REEP2: variants seen among roughly 807,000 people sequenced by gnomAD.
The protein encoded by REEP2 is receptor expression-enhancing protein 2.
A neutral mutation model predicts 32.1 loss-of-function variants in REEP2; 9 were observed. The ratio of observed to expected loss-of-function variants is 0.28; its 90% CI spans 0.17 to 0.49. The LOEUF is 0.49. Ranked by LOEUF, REEP2 falls within the 20% of genes least tolerant of loss-of-function variation. The pLI, the probability that REEP2 is intolerant of heterozygous loss-of-function variation, is 0.99. For synonymous variants in REEP2, 128 were observed against 139.1 expected, an observed-to-expected ratio of 0.92 and a Z score of 0.56; for missense variants, 236 against 338.0, an observed-to-expected ratio of 0.70 and a Z score of 2.37.
At chr5:138,440,056 T>C (rs1291032605) in intron 1 of REEP2, among the ~76,000 whole-genome samples, 1 of 152,210 alleles carries the variant, frequency 6.6e-6, no homozygotes, top group Non-Finnish European at 1.5e-5. Flanking sequence ...GTATCCCTCC[T>C]GTCCATGTGG....
chr5:138,444,858 T>A lies in REEP2; in HGVS notation c.408T>A (p.Ala136=). ...LNLAANAAVT[A]AAKGQGVLSE... ...TTGCCGCCAATGCTGCAGTCACAGCTGCCGCCAAGGTGAGATGGGGGCAGG... is the reference window on the plus strand; with the variant it reads ...TTGCCGCCAATGCTGCAGTCACAGCAGCCGCCAAGGTGAGATGGGGGCAGG... The change falls in exon 5 of 8, where the codon GCT becomes GCA. Residue 136 remains alanine, a synonymous_variant. Coordinates refer to ENST00000378339, the MANE Select transcript of REEP2 (RefSeq NM_001271803.2). 1 of 1,611,948 alleles carries A rather than the reference T, an allele frequency of 6.2e-7. No homozygotes were observed. The highest frequency in any genetic ancestry group is 8.5e-7 in the Non-Finnish European group (1 of 1,178,970).
At position 138,444,481 on chromosome 5, in the gene REEP2, C is replaced by A. The variant is rs761374551; in HGVS notation, c.249C>A (p.Gly83=). 6.2e-7 allele frequency: 1 copy of A among 1,614,128 alleles called. No homozygotes were observed. The highest frequency in any genetic ancestry group is 1.1e-5 in the South Asian group (1 of 91,086). The stretch of plus-strand genomic sequence containing the variant: ...GGCTGCTGTCCCCTTACACCAAGGG[C>A]TCCAGCGTGCTCTACCGCAAGTTCG... ...VIWLLSPYTK[G]SSVLYRKFVH... is the part of the protein sequence containing the mutation. Residue 83 remains glycine, a synonymous_variant, in exon 4 of 8, where the codon GGC becomes GGA. Coordinates refer to ENST00000378339, the MANE Select transcript of REEP2 (RefSeq NM_001271803.2).
Position 138,444,540 on chromosome 5 carries a change from G to GC in REEP2, c.303+10dup, listed in dbSNP as rs1763887492. ...ACGCTGTCCAACAAGGAGAAGGTTTGCCCCCACTCTCAGCTCACCTCCCAG... is the reference window on the plus strand; with the variant it reads ...ACGCTGTCCAACAAGGAGAAGGTTTGCCCCCCACTCTCAGCTCACCTCCCAG... On this transcript the variant is annotated splice_donor_region_variant and intron_variant, in intron 4 of 7. Coordinates refer to ENST00000378339, the MANE Select transcript of REEP2 (RefSeq NM_001271803.2). 1 of 1,613,824 alleles carries GC rather than the reference G, an allele frequency of 6.2e-7. No homozygotes were observed. The highest frequency in any genetic ancestry group is 1.3e-5 in the African/African-American group (1 of 75,018).
Position 138,445,955 on chromosome 5 carries a change from G to A in REEP2, c.*204G>A. ...AGGAGGCCCAGCTGTGGGGGTTGAG[G>A]GTAGAGGGTGGACCAGAGGCTGAGG... On this transcript the variant is annotated 3_prime_UTR_variant, in exon 8 of 8. Transcript: ENST00000378339. The A allele has an allele frequency of 1.7e-6, 1 of 606,018 alleles. No homozygotes were observed. The highest frequency in any genetic ancestry group is 2.9e-6 in the Non-Finnish European group (1 of 344,576). The allele number at this position is 606,018 out of a possible 1,614,324, so 37.5% of individuals were successfully genotyped here.
chr5:138,443,509 G>A (rs1043446984), intron 3 of REEP2: 3 of 150,322 alleles, frequency 2.0e-5, no homozygotes, highest in Non-Finnish European at 4.4e-5. Flanking sequence ...GTGGTGAGGT[G>A]AAAAACAAAA....
intron 1 of REEP2, 138 bp downstream of exon 1, chr5:138,439,378 A>C: frequency 3.5e-6 from 3 of 865,508 alleles, no homozygotes; most frequent in East Asian, 2.8e-5. Flanking sequence ...CCCCAGAGAC[A>C]TGGAGATGTG....
rs377323644 is a variant in REEP2, at chr5:138,444,545, C to G, written c.303+10C>G. The stretch of plus-strand genomic sequence containing the variant: ...GTCCAACAAGGAGAAGGTTTGCCCC[C>G]ACTCTCAGCTCACCTCCCAGCCTGC... On this transcript the variant is annotated intron_variant, in intron 4 of 7. Transcript: ENST00000378339. The G allele has an allele frequency of 6.2e-7, 1 of 1,613,596 alleles. No individual in the cohort carries two copies. The highest frequency in any genetic ancestry group is 8.5e-7 in the Non-Finnish European group (1 of 1,179,656).
At position 138,439,191 on chromosome 5, in the gene REEP2, G is replaced by C. The variant is rs774923160; in HGVS notation, c.-18G>C. The C allele has an allele frequency of 7.4e-7, 1 of 1,358,554 alleles. No individual in the cohort carries two copies. Among genetic ancestry groups the C allele is most frequent in the East Asian group, 2.8e-5 (1 of 36,088 alleles). The allele number at this position is 1,358,554 out of a possible 1,614,324, so 84.2% of individuals were successfully genotyped here. A position where few individuals can be genotyped will look rare whatever the true frequency, so the allele number is the denominator to read the frequency against. The stretch of plus-strand genomic sequence containing the variant: ...CGGCCGGGCCGGGTCCCCGCCCCGC[G>C]CCGCGCCCGGCCCCGCCATGGTGTC... On this transcript the variant is annotated 5_prime_UTR_variant, in exon 1 of 8. Coordinates refer to ENST00000378339, the MANE Select transcript of REEP2 (RefSeq NM_001271803.2).
At position 138,441,167 on chromosome 5, in the gene REEP2, G is replaced by A; in HGVS notation, c.105+79G>A. Reference sequence around the variant, plus strand: ...GGGCACTGGGTCCTATTACAGATGGGGGTGACTTTGCACCAACACTGTCAG... The same window carrying A: ...GGGCACTGGGTCCTATTACAGATGGAGGTGACTTTGCACCAACACTGTCAG... On this transcript the variant is annotated intron_variant, in intron 2 of 7. Coordinates refer to ENST00000378339, the MANE Select transcript of REEP2 (RefSeq NM_001271803.2). The surrounding 1 kb of genome is among the most constrained non-coding windows in gnomAD (Gnocchi z 4.4). 3 of 1,573,812 alleles carry A rather than the reference G, an allele frequency of 1.9e-6. No individual in the cohort carries two copies. The highest frequency in any genetic ancestry group is 2.6e-6 in the Non-Finnish European group (3 of 1,152,642).
rs1391697716 is a variant in REEP2 at position 138,441,269 on chromosome 5, G to A, written c.106-116G>A. ...CCTCCAACATGGCTGGCAGGCAGAAGTGGGGTCCTTGGTGTTCTCCCCAGC... is the reference window on the plus strand; with the variant it reads ...CCTCCAACATGGCTGGCAGGCAGAAATGGGGTCCTTGGTGTTCTCCCCAGC... On this transcript the variant is annotated intron_variant, in intron 2 of 7. Transcript: ENST00000378339. This position sits in a 1 kb window ranked among gnomAD's most constrained non-coding sequence, Gnocchi z 4.4. 2 of 1,278,026 alleles carry A rather than the reference G, an allele frequency of 1.6e-6. No homozygotes were observed. The highest frequency in any genetic ancestry group is 1.5e-5 in the African/African-American group (1 of 68,182). The allele number at this position is 1,278,026 out of a possible 1,614,324, so 79.2% of individuals were successfully genotyped here.
rs1288279648 is a variant in REEP2 at position 138,445,632 on chromosome 5, C to T, written c.696+34C>T. 7.2e-5 allele frequency: 117 copies of T among 1,614,002 alleles called. 1 individual carries two copies. Among genetic ancestry groups the T allele is most frequent in the Non-Finnish European group, 9.3e-5 (110 of 1,179,974 alleles). ...ACTGGCCAGAGCTTGGGGAAACAGG[C>T]AGGGGGTGGCGGCTCCAGGCTGAGC... On this transcript the variant is annotated intron_variant, in intron 7 of 7. Coordinates refer to ENST00000378339, the MANE Select transcript of REEP2 (RefSeq NM_001271803.2).
At chr5:138,439,272 G>C (rs199654301) in intron 1 of REEP2, 32 bp downstream of exon 1, 15 of 1,429,644 alleles carry the variant, frequency 1.0e-5, no homozygotes, top group Middle Eastern at 4.0e-4. Context: ...GGTGATGCGG[G>C]CTGTGATGGA....
intron 3 of REEP2, among the ~76,000 whole-genome samples, chr5:138,443,024 CA>C (rs966249146): frequency 7.5e-4 from 96 of 128,130 alleles, no homozygotes; most frequent in Middle Eastern, 4.5e-3. Flanking sequence ...GACTCAGTCT[CA>C]AAAAAAAAAA....
At chr5:138,439,554 C>T (rs1320376042) in intron 1 of REEP2, 2 of 498,968 alleles carry the variant, frequency 4.0e-6, no homozygotes, top group Non-Finnish European at 7.6e-6. Context: ...GGGAGGCAGG[C>T]GCGTCCCCTC....
At chr5:138,443,776 A>G (rs1400286367) in intron 3 of REEP2, 2 of 152,088 alleles carry the variant, frequency 1.3e-5, no homozygotes, top group East Asian at 1.9e-4. Flanking sequence ...CTGGGCTCAG[A>G]TGATCCTCCC....
intron 5 of REEP2, 128 bp downstream of exon 5, chr5:138,444,995 G>T (rs1763899107): frequency 8.9e-6 from 7 of 785,770 alleles, no homozygotes; most frequent in Admixed American, 2.9e-5. Flanking sequence ...GGAGGCTCCA[G>T]TCCAGGCTCT....
chr5:138,440,174 C>T lies in REEP2; in HGVS notation c.33-842C>T, dbSNP rs540091762. On this transcript the variant is annotated intron_variant, in intron 1 of 7. Coordinates refer to ENST00000378339, the MANE Select transcript of REEP2 (RefSeq NM_001271803.2). Reference sequence around the variant, plus strand: ...TGAGGACACTGCCCCTCGGCCTCCACCGTTGGGGACTGACACCGGCAGCCC... The same window carrying T: ...TGAGGACACTGCCCCTCGGCCTCCATCGTTGGGGACTGACACCGGCAGCCC... 5.9e-5 allele frequency among the ~76,000 whole-genome samples: 9 copies of T among 152,356 alleles called. No individual in the cohort carries two copies. In the East Asian group the frequency reaches 1.7e-3, roughly 29 times the overall value.
In REEP2 at chr5:138,444,409, C is replaced by T. The variant is rs375307650; in HGVS notation, c.183-6C>T. On this transcript the variant is annotated splice_region_variant and splice_polypyrimidine_tract_variant and intron_variant, in intron 3 of 7. Coordinates refer to ENST00000378339, the MANE Select transcript of REEP2 (RefSeq NM_001271803.2). The stretch of plus-strand genomic sequence containing the variant: ...CTGTACTCTGCGCTTGCCCCTGTCC[C>T]AACAGGTTCCCCTTCTACTTTGAAC... 44 of 1,613,700 alleles carry T rather than the reference C, an allele frequency of 2.7e-5. No individual in the cohort carries two copies. The highest frequency in any genetic ancestry group is 3.5e-5 in the Non-Finnish European group (41 of 1,179,890).
Position 138,441,575 on chromosome 5 carries a change from A to G in REEP2, c.182+114A>G. 1.2e-6 allele frequency: 1 copy of G among 868,346 alleles called. No homozygotes were observed. The highest frequency in any genetic ancestry group is 1.9e-6 in the Non-Finnish European group (1 of 526,142). 53.8% of individuals were successfully genotyped at this position (868,346 alleles called of 1,614,324 possible). On this transcript the variant is annotated intron_variant, in intron 3 of 7. Transcript: ENST00000378339. The surrounding 1 kb of genome is among the most constrained non-coding windows in gnomAD (Gnocchi z 4.4). ...GGTGAAGCTCCTCCCATTCCTGACA[A>G]TTTCATGGGGTCCTTGATATCTCCC...
Sources: gnomAD v4.1 joint callset for allele counts (sites outside exome capture counted in the v4.1 genomes callset) on GRCh38, gnomAD v4.1.1 for gene constraint, Gnocchi (gnomAD v3.1) non-coding constraint, MANE v1.5 for transcripts, NCBI Gene and HGNC (gene_info 2026-07-23, HGNC 2026-07-21) for gene names.